NKAIN2: variants seen among roughly 807,000 people sequenced by gnomAD.
NKAIN2 encodes the protein sodium/potassium transporting ATPase interacting 2.
A neutral mutation model predicts 32.6 loss-of-function variants in NKAIN2; 14 were observed. That is an observed-to-expected ratio of 0.43 (90% confidence interval 0.28 to 0.67). The LOEUF is 0.67. Ranked by LOEUF, NKAIN2 falls within the 30% of genes least tolerant of loss-of-function variation. NKAIN2 has a pLI of 0.17. For missense variants in NKAIN2, 198 were observed against 258.3 expected (o/e 0.77, Z 1.60); for synonymous variants, 80 against 87.2 (o/e 0.92, Z 0.46).
At chr6:124,227,071 G>T in intron 1 of NKAIN2, among the ~76,000 whole-genome samples, 1 of 141,594 alleles carries the variant, frequency 7.1e-6, no homozygotes, top group African/African-American at 2.6e-5. Context: ...ATTCACTATT[G>T]CTACTCTCTT....
chr6:124,302,997 T>A (rs1796354343), intron 2 of NKAIN2, among the ~76,000 whole-genome samples: 1 of 152,238 alleles, frequency 6.6e-6, no homozygotes, highest in African/African-American at 2.4e-5. Context: ...GGACCTTTTA[T>A]GTAGACATAT....
chr6:124,266,466 A>G (rs1345627733), intron 1 of NKAIN2, among the ~76,000 whole-genome samples: 1 of 151,950 alleles, frequency 6.6e-6, no homozygotes, highest in Non-Finnish European at 1.5e-5. Context: ...TTTGGTAGAG[A>G]TGGGGTTTCG....
intron 4 of NKAIN2, among the ~76,000 whole-genome samples, chr6:124,761,809 C>T (rs1003549245): frequency 6.6e-6 from 1 of 152,102 alleles, no homozygotes; most frequent in African/African-American, 2.4e-5. Context: ...ATATTAATAA[C>T]CCATTCTGTT....
rs1773116670 is a variant in NKAIN2, at chr6:123,804,186, G to A, written c.-15G>A. 3 of 1,613,228 alleles carry A rather than the reference G, an allele frequency of 1.9e-6. No homozygotes were observed. In the East Asian group the frequency reaches 6.7e-5, roughly 36 times the overall value. The stretch of plus-strand genomic sequence containing the variant: ...GACGTGGGACAGTCTGGCTGTGGCA[G>A]GGGTCTCGGAAACCATGGGTTATTG... On this transcript the variant is annotated 5_prime_UTR_variant, in exon 1 of 7. Transcript: ENST00000368417.
intron 4 of NKAIN2, among the ~76,000 whole-genome samples, chr6:124,702,659 G>A (rs1774853746): frequency 6.6e-6 from 1 of 151,984 alleles, no homozygotes; most frequent in Non-Finnish European, 1.5e-5. Flanking sequence ...CTTGATGCTA[G>A]TATTGTTCTT....
At chr6:124,710,275 T>C (rs1330771052) in intron 4 of NKAIN2, among the ~76,000 whole-genome samples, 2 of 152,078 alleles carry the variant, frequency 1.3e-5, no homozygotes, top group East Asian at 3.9e-4. Context: ...TTGGAATAGG[T>C]GTGGTGTGGT....
chr6:124,023,546 C>A (rs1262136771), intron 1 of NKAIN2, among the ~76,000 whole-genome samples: 3 of 152,092 alleles, frequency 2.0e-5, no homozygotes, highest in Non-Finnish European at 2.9e-5. Context: ...ATCTATGCCT[C>A]TACAATGTTA....
At chr6:124,811,731 C>T (rs1398276064) in intron 5 of NKAIN2, among the ~76,000 whole-genome samples, 1 of 152,050 alleles carries the variant, frequency 6.6e-6, no homozygotes, top group African/African-American at 2.4e-5. Flanking sequence ...GATAGCATTC[C>T]AAGTTGTCTT....
At chr6:124,361,784 A>G (rs1377466345) in intron 3 of NKAIN2, among the ~76,000 whole-genome samples, 1 of 152,122 alleles carries the variant, frequency 6.6e-6, no homozygotes, top group Non-Finnish European at 1.5e-5. Flanking sequence ...AAGTTGTCAT[A>G]TACTGTAGAC....
At position 124,712,484 on chromosome 6, in the gene NKAIN2, G is replaced by T. The variant is rs543206835; in HGVS notation, c.474+54098G>T. 7.8e-5 allele frequency among the ~76,000 whole-genome samples: 9 copies of T among 115,432 alleles called. 3 individuals are homozygous for T. Among genetic ancestry groups the T allele is most frequent in the African/African-American group, 3.2e-4 (9 of 27,796 alleles). 75.7% of individuals were successfully genotyped at this position (115,432 alleles called of 152,430 possible). Reference sequence around the variant, plus strand: ...CAATCAGCGAGACTCCGTGGGCGTAGGACCCTCCAAGCCAGGTGCAGGATA... The same window carrying T: ...CAATCAGCGAGACTCCGTGGGCGTATGACCCTCCAAGCCAGGTGCAGGATA... On this transcript the variant is annotated intron_variant, in intron 4 of 6. Coordinates refer to ENST00000368417, the MANE Select transcript of NKAIN2 (RefSeq NM_001040214.3).
At chr6:124,239,292 C>T (rs1369789426) in intron 1 of NKAIN2, among the ~76,000 whole-genome samples, 1 of 152,026 alleles carries the variant, frequency 6.6e-6, no homozygotes, top group Non-Finnish European at 1.5e-5. Flanking sequence ...GACTCCCACA[C>T]AATAATAGTG....
At chr6:124,672,573 CATAAAA>C (rs1191000021) in intron 4 of NKAIN2, among the ~76,000 whole-genome samples, 1 of 151,880 alleles carries the variant, frequency 6.6e-6, no homozygotes, top group African/African-American at 2.4e-5. Flanking sequence ...CTTTATTTTT[CATAAAA>C]AGAAAAGTCA....
chr6:124,631,575 G>A (rs1783569268), intron 3 of NKAIN2, among the ~76,000 whole-genome samples: 1 of 152,116 alleles, frequency 6.6e-6, no homozygotes, highest in Admixed American at 6.6e-5. Flanking sequence ...AACACAAGCT[G>A]AATGAATTCA....
intron 3 of NKAIN2, among the ~76,000 whole-genome samples, chr6:124,595,377 C>A (rs573472057): frequency 2.6e-5 from 4 of 152,306 alleles, no homozygotes; most frequent in South Asian, 2.1e-4. Flanking sequence ...TTTTCACAGA[C>A]CCTGCCTGCT....
chr6:123,854,941 A>G (rs1775499640), intron 1 of NKAIN2, among the ~76,000 whole-genome samples: 1 of 152,164 alleles, frequency 6.6e-6, no homozygotes, highest in Admixed American at 6.5e-5. Flanking sequence ...TTCTCCTGGC[A>G]TTATCACTGA....
Position 123,905,543 on chromosome 6 carries a change from A to G in NKAIN2, c.54+101289A>G, listed in dbSNP as rs549164345. 4.6e-5 allele frequency among the ~76,000 whole-genome samples: 7 copies of G among 152,280 alleles called. No homozygotes were observed. The South Asian group carries it at 1.5e-3, about 32-fold the overall frequency. On this transcript the variant is annotated intron_variant, in intron 1 of 6. Coordinates refer to ENST00000368417, the MANE Select transcript of NKAIN2 (RefSeq NM_001040214.3). The stretch of plus-strand genomic sequence containing the variant: ...TGAAAAGAGTTCAGAACAAAAGCAT[A>G]GTTAGTATCTTTGCTCTCAATATGT...
At chr6:123,995,294 T>TA (rs1323620832) in intron 1 of NKAIN2, among the ~76,000 whole-genome samples, 1 of 152,014 alleles carries the variant, frequency 6.6e-6, no homozygotes, top group Non-Finnish European at 1.5e-5. Context: ...CTAGGAAAAA[T>TA]ATACCAAAAA....
chr6:124,229,889 T>C (rs1562437642), intron 1 of NKAIN2, among the ~76,000 whole-genome samples: 2 of 152,048 alleles, frequency 1.3e-5, no homozygotes, highest in Non-Finnish European at 2.9e-5. Flanking sequence ...ATCAGCAGCA[T>C]AAAAATGGAC....
At chr6:124,061,038 TAA>T (rs1782898358) in intron 1 of NKAIN2, among the ~76,000 whole-genome samples, 1 of 152,166 alleles carries the variant, frequency 6.6e-6, no homozygotes, top group Non-Finnish European at 1.5e-5. Flanking sequence ...ATGTTGAAAA[TAA>T]GTGTTCATGT....
Sources: gnomAD v4.1 joint callset for allele counts (sites outside exome capture counted in the v4.1 genomes callset) on GRCh38, gnomAD v4.1.1 for gene constraint, MANE v1.5 for transcripts, NCBI Gene and HGNC (gene_info 2026-07-23, HGNC 2026-07-21) for gene names.